The following WWP1 variants were observed in gnomAD, a reference collection of about 807,000 sequenced individuals.
WWP1 encodes the protein WW domain containing E3 ubiquitin protein ligase 1.
In WWP1, 49 loss-of-function variants were observed where a neutral mutation model predicts 130.6. The ratio of observed to expected loss-of-function variants is 0.38; its 90% CI spans 0.30 to 0.48. The LOEUF is 0.48. Ranked by LOEUF, WWP1 falls within the 20% of genes least tolerant of loss-of-function variation. The pLI, the probability that WWP1 is intolerant of heterozygous loss-of-function variation, is 0.99. For missense variants in WWP1, 809 were observed against 1,100.6 expected (o/e 0.74, Z 3.75); for synonymous variants, 332 against 367.8 (o/e 0.90, Z 1.11).
At chr8:86,406,465 T>C (rs1228907950) in intron 8 of WWP1, among the ~76,000 whole-genome samples, 1 of 152,196 alleles carries the variant, frequency 6.6e-6, no homozygotes, top group African/African-American at 2.4e-5. Context: ...ATTATATTTT[T>C]TTCTTAGCTC....
In WWP1 at chr8:86,411,518, T is replaced by C; in HGVS notation, c.725-20T>C. On this transcript the variant is annotated intron_variant, in intron 8 of 24. Transcript: ENST00000517970. ...TTTATCATTACTTGATAGATGATTT[T>C]ATTAATTTTCCCTTCTCAGTTAATG... 6.3e-7 allele frequency: 1 copy of C among 1,593,768 alleles called. No individual in the cohort carries two copies. Among genetic ancestry groups the C allele is most frequent in the South Asian group, 1.1e-5 (1 of 88,572 alleles).
At chr8:86,380,561 A>G (rs1235212598) in intron 3 of WWP1, among the ~76,000 whole-genome samples, 165 bp from the exon 4 acceptor site, 2 of 152,228 alleles carry the variant, frequency 1.3e-5, no homozygotes, top group Admixed American at 1.3e-4. Flanking sequence ...AAACATTCAA[A>G]TGGCTCTCAA....
rs1237191226 is a variant in WWP1, at chr8:86,342,654, C to G, written c.-391C>G. The G allele has an allele frequency of 1.1e-5, 3 of 271,302 alleles. No individual in the cohort carries two copies. Among genetic ancestry groups the G allele is most frequent in the Non-Finnish European group, 2.0e-5 (3 of 150,952 alleles). The allele number at this position is 271,302 out of a possible 1,614,324, so 16.8% of individuals were successfully genotyped here. ...GCGCGGCGCCGGCGACGCGGCCACG[C>G]GGCGCGCTCCCGAGGAAGGGAGGTG... On this transcript the variant is annotated 5_prime_UTR_variant, in exon 1 of 25. Coordinates refer to ENST00000517970, the MANE Select transcript of WWP1 (RefSeq NM_007013.4).
At chr8:86,405,326 A>AT (rs35346142) in intron 8 of WWP1, among the ~76,000 whole-genome samples, 1,345 of 128,892 alleles carry the variant, frequency 0.01, 12 homozygotes, top group South Asian at 0.035. Flanking sequence ...AACCAAAAGG[A>AT]TTTTTTTTTT....
chr8:86,445,398 A>G (rs569162373), intron 18 of WWP1, among the ~76,000 whole-genome samples: 112 of 152,088 alleles, frequency 7.4e-4, no homozygotes, highest in African/African-American at 2.6e-3. Context: ...ATTTATGTCC[A>G]TGTGTGCCCA....
At chr8:86,381,149 C>G (rs1824964546) in intron 4 of WWP1, among the ~76,000 whole-genome samples, 1 of 151,868 alleles carries the variant, frequency 6.6e-6, no homozygotes. Context: ...TTTGGCATTT[C>G]AAAATAATAA....
intron 2 of WWP1, among the ~76,000 whole-genome samples, 165 bp downstream of exon 2, chr8:86,369,196 G>A (rs974977351): frequency 6.6e-6 from 1 of 152,178 alleles, no homozygotes; most frequent in Non-Finnish European, 1.5e-5. Context: ...AAGATAGACA[G>A]AGTGCCTCCC....
At chr8:86,408,874 C>T (rs1808422164) in intron 8 of WWP1, among the ~76,000 whole-genome samples, 1 of 151,848 alleles carries the variant, frequency 6.6e-6, no homozygotes, top group Non-Finnish European at 1.5e-5. Flanking sequence ...CGCGCTACTG[C>T]ACTCCAACCT....
At chr8:86,460,978 T>A (rs1275100454) in intron 22 of WWP1, among the ~76,000 whole-genome samples, 3 of 151,414 alleles carry the variant, frequency 2.0e-5, no homozygotes, top group Non-Finnish European at 2.9e-5. Flanking sequence ...CCCGGCTAAT[T>A]TTTTGTATTT....
chr8:86,346,668 T>A (rs1822602655), intron 1 of WWP1, among the ~76,000 whole-genome samples: 1 of 152,204 alleles, frequency 6.6e-6, no homozygotes, highest in African/African-American at 2.4e-5. Flanking sequence ...TGTTATTACA[T>A]GTTAATAAAC....
intron 5 of WWP1, among the ~76,000 whole-genome samples, chr8:86,385,044 A>G (rs1372714934): frequency 1.3e-5 from 2 of 152,020 alleles, no homozygotes; most frequent in African/African-American, 4.8e-5. Context: ...AAAAGTAAAC[A>G]ACTGCCAAGA....
intron 8 of WWP1, among the ~76,000 whole-genome samples, chr8:86,410,808 T>A (rs1808541024): frequency 6.6e-6 from 1 of 151,938 alleles, no homozygotes; most frequent in Non-Finnish European, 1.5e-5. Context: ...TAGCATTTAA[T>A]CTGAGTGTTT....
chr8:86,368,921 C>T lies in WWP1; in HGVS notation c.-114-18C>T, dbSNP rs1163256074. 6.6e-6 allele frequency: 1 copy of T among 152,148 alleles called. No individual in the cohort carries two copies. The highest frequency in any genetic ancestry group is 1.5e-5 in the Non-Finnish European group (1 of 68,008). The allele number at this position is 152,148 out of a possible 1,614,324, so 9.4% of individuals were successfully genotyped here. A position where few individuals can be genotyped will look rare whatever the true frequency, so the allele number is the denominator to read the frequency against. On this transcript the variant is annotated intron_variant, in intron 1 of 24. Transcript: ENST00000517970. ...ATTTTAGGAATTATCACACTGAAAG[C>T]TATTTATTTGTTTACAGGGTTGTCT... is the stretch of plus-strand genomic sequence containing the variant.
intron 9 of WWP1, among the ~76,000 whole-genome samples, chr8:86,419,006 C>T (rs1384079447): frequency 6.6e-6 from 1 of 152,178 alleles, no homozygotes; most frequent in Non-Finnish European, 1.5e-5. Context: ...CCACAAGCCC[C>T]ACCCAGGCAC....
At chr8:86,424,134 G>C (rs545722669) in intron 9 of WWP1, among the ~76,000 whole-genome samples, 11 of 149,706 alleles carry the variant, frequency 7.3e-5, no homozygotes, top group Non-Finnish European at 1.6e-4. Flanking sequence ...CAGATGGGGC[G>C]GCCGGGCAGA....
intron 16 of WWP1, among the ~76,000 whole-genome samples, chr8:86,438,238 A>G (rs1025805983): frequency 1.3e-5 from 2 of 152,228 alleles, no homozygotes; most frequent in African/African-American, 4.8e-5. Context: ...TTGTCTTCAC[A>G]TTGAATAGGC....
At chr8:86,457,104 T>G (rs1811489315) in intron 21 of WWP1, among the ~76,000 whole-genome samples, 1 of 151,900 alleles carries the variant, frequency 6.6e-6, no homozygotes, top group Non-Finnish European at 1.5e-5. Flanking sequence ...ACTATATACC[T>G]AAGTTTGTGC....
At chr8:86,422,240 T>TG (rs2130624472) in intron 9 of WWP1, among the ~76,000 whole-genome samples, 1 of 152,192 alleles carries the variant, frequency 6.6e-6, no homozygotes, top group Non-Finnish European at 1.5e-5. Context: ...GTTCTTGTGT[T>TG]TAAGAAAAAG....
chr8:86,416,748 C>T (rs568954656), intron 9 of WWP1, among the ~76,000 whole-genome samples: 1 of 152,152 alleles, frequency 6.6e-6, no homozygotes, highest in South Asian at 2.1e-4. Context: ...TCTCATTAAT[C>T]AGTAATTTGG....
Sources: gnomAD v4.1 joint callset for allele counts (sites outside exome capture counted in the v4.1 genomes callset) on GRCh38, gnomAD v4.1.1 for gene constraint, MANE v1.5 for transcripts, NCBI Gene and HGNC (gene_info 2026-07-23, HGNC 2026-07-21) for gene names.